CHD9: variants seen among roughly 807,000 people sequenced by gnomAD.
CHD9 encodes the protein ATP-dependent chromatin remodeler CHD9.
CHD9 carries 77 observed loss-of-function variants against 316.1 expected under a neutral mutation model. That is an observed-to-expected ratio of 0.24 (90% confidence interval 0.20 to 0.29). The LOEUF (loss-of-function observed/expected upper bound fraction) is 0.29, where lower values mean the gene tolerates loss of function less well. Ranked by LOEUF, CHD9 falls within the 10% of genes least tolerant of loss-of-function variation. The pLI is 1.00. For missense variants in CHD9, 2,763 were observed against 3,438.1 expected, an observed-to-expected ratio of 0.80 and a Z score of 4.91; for synonymous variants, 1,129 against 1,158.3, an observed-to-expected ratio of 0.97 and a Z score of 0.51.
At chr16:53,244,368 A>C (rs2049377181) in intron 13 of CHD9, among the ~76,000 whole-genome samples, 1 of 151,388 alleles carries the variant, frequency 6.6e-6, no homozygotes, top group Non-Finnish European at 1.5e-5. Flanking sequence ...AATTTTTTGT[A>C]TTTTTAGTAG....
chr16:53,283,844 G>A (rs17303428), intron 24 of CHD9, among the ~76,000 whole-genome samples: 42,277 of 151,908 alleles, frequency 0.28, 5,981 homozygotes, highest in Middle Eastern at 0.32. Flanking sequence ...TGACAAATTC[G>A]TTCAAGAATC....
intron 26 of CHD9, among the ~76,000 whole-genome samples, chr16:53,286,750 C>T (rs1349542691): frequency 6.6e-6 from 1 of 152,006 alleles, no homozygotes; most frequent in East Asian, 1.9e-4. Flanking sequence ...TACCAAAATC[C>T]AAGGATGCTC....
Position 53,324,316 on chromosome 16 carries a change from A to G in CHD9, c.8115A>G (p.Lys2705=). The G allele has an allele frequency of 6.2e-7, 1 of 1,613,996 alleles. No individual in the cohort carries two copies. The highest frequency in any genetic ancestry group is 8.5e-7 in the Non-Finnish European group (1 of 1,179,862). Residue 2705 remains lysine (K), a synonymous_variant, in exon 39 of 39, where the codon AAA becomes AAG. Transcript: ENST00000447540. The part of the protein sequence containing the change: ...PTGLPSGGEA[K]NMAAMFPMLL... ...GCCTTCCTTCTGGAGGAGAAGCTAA[A>G]AACATGGCTGCTATGTTCCCCATGC...
chr16:53,305,217 A>G lies in CHD9; in HGVS notation c.6619+592A>G, dbSNP rs531146370. 1.5e-4 allele frequency among the ~76,000 whole-genome samples: 23 copies of G among 151,472 alleles called. No individual in the cohort carries two copies. In the East Asian group the frequency reaches 3.9e-3, roughly 26 times the overall value. ...GCTAGGATTACAGGCACCCACCACCATGTCCAGCTAATTTTTGTATTTTTG... is the reference window on the plus strand; with the variant it reads ...GCTAGGATTACAGGCACCCACCACCGTGTCCAGCTAATTTTTGTATTTTTG... On this transcript the variant is annotated intron_variant, in intron 31 of 38. Transcript: ENST00000447540.
At chr16:53,240,566 A>T (rs12917689) in intron 12 of CHD9, among the ~76,000 whole-genome samples, 17,787 of 152,108 alleles carry the variant, frequency 0.12, 1,249 homozygotes, top group South Asian at 0.23. Flanking sequence ...CTTCAAATAT[A>T]GAAATGACTT....
intron 11 of CHD9, 84 bp downstream of exon 11, chr16:53,235,390 A>C (rs1258675065): frequency 9.9e-7 from 1 of 1,005,526 alleles, no homozygotes; most frequent in Non-Finnish European, 1.4e-6. Flanking sequence ...TGTTGTTGCT[A>C]TATTGTTATT....
At chr16:53,087,488 A>T (rs2035562006) in intron 1 of CHD9, among the ~76,000 whole-genome samples, 1 of 152,206 alleles carries the variant, frequency 6.6e-6, no homozygotes, top group Admixed American at 6.5e-5. Flanking sequence ...AGGAGACTTG[A>T]TTCAAATCCT....
intron 1 of CHD9, among the ~76,000 whole-genome samples, chr16:53,104,155 G>C (rs900530983): frequency 2.0e-5 from 3 of 152,198 alleles, no homozygotes; most frequent in Non-Finnish European, 2.9e-5. Context: ...TAAATGTTTG[G>C]AGGAAAAGGG....
At chr16:53,159,860 A>C (rs1302788674) in intron 2 of CHD9, among the ~76,000 whole-genome samples, 2 of 152,152 alleles carry the variant, frequency 1.3e-5, no homozygotes, top group Non-Finnish European at 2.9e-5. Context: ...CAGGTGATCC[A>C]CCGGCCTTGA....
intron 1 of CHD9, among the ~76,000 whole-genome samples, chr16:53,071,818 A>G (rs1225989938): frequency 3.9e-5 from 6 of 152,124 alleles, no homozygotes; most frequent in Non-Finnish European, 1.5e-5. Context: ...AAGGTGAGGG[A>G]ACACAGTGTG....
intron 30 of CHD9, chr16:53,299,473 A>G (rs752840044): frequency 1.2e-5 from 3 of 243,684 alleles, no homozygotes; most frequent in East Asian, 1.0e-4. Context: ...ATCAAGCAGT[A>G]TATCAGTCTG....
chr16:53,172,940 T>G (rs1002431145), intron 2 of CHD9, among the ~76,000 whole-genome samples: 4 of 152,330 alleles, frequency 2.6e-5, no homozygotes, highest in Non-Finnish European at 4.4e-5. Flanking sequence ...TCTCCCAGTC[T>G]GTGGGTTGCC....
At chr16:53,146,906 A>AT (rs958958254) in intron 1 of CHD9, among the ~76,000 whole-genome samples, 6 of 150,810 alleles carry the variant, frequency 4.0e-5, no homozygotes, top group African/African-American at 9.7e-5. Flanking sequence ...CACTGTTGCT[A>AT]TTTTTTTTTA....
intron 29 of CHD9, among the ~76,000 whole-genome samples, chr16:53,295,500 G>A (rs911880218): frequency 6.6e-5 from 10 of 152,122 alleles, no homozygotes; most frequent in Non-Finnish European, 1.0e-4. Context: ...ACTTATCTAA[G>A]TAAACTACTC....
intron 2 of CHD9, among the ~76,000 whole-genome samples, chr16:53,183,238 C>G (rs529409544): frequency 6.6e-6 from 1 of 152,124 alleles, no homozygotes; most frequent in African/African-American, 2.4e-5. Flanking sequence ...TTGTTTCTTT[C>G]CTTTTTTTAA....
intron 1 of CHD9, among the ~76,000 whole-genome samples, chr16:53,071,251 A>T (rs1244410187): frequency 3.9e-5 from 6 of 152,172 alleles, no homozygotes; most frequent in Admixed American, 3.9e-4. Context: ...CAATACTCAC[A>T]TTCATTTTTG....
chr16:53,276,219 T>C (rs1053008069), intron 24 of CHD9, among the ~76,000 whole-genome samples: 3 of 152,182 alleles, frequency 2.0e-5, no homozygotes, highest in Non-Finnish European at 4.4e-5. Context: ...AGATATCTAT[T>C]ACAACCTCAA....
At chr16:53,110,518 TG>T (rs1001150454) in intron 1 of CHD9, among the ~76,000 whole-genome samples, 1 of 152,226 alleles carries the variant, frequency 6.6e-6, no homozygotes, top group African/African-American at 2.4e-5. Flanking sequence ...CCCAGCACTT[TG>T]GGAGGCCAAG....
At chr16:53,256,783 C>T (rs1035678737) in intron 19 of CHD9, among the ~76,000 whole-genome samples, 3 of 151,948 alleles carry the variant, frequency 2.0e-5, no homozygotes, top group Admixed American at 6.6e-5. Context: ...TTCCACTGAA[C>T]TTCCTTTCTA....
Sources: gnomAD v4.1 joint callset for allele counts (sites outside exome capture counted in the v4.1 genomes callset) on GRCh38, gnomAD v4.1.1 for gene constraint, MANE v1.5 for transcripts, NCBI Gene and HGNC (gene_info 2026-07-23, HGNC 2026-07-21) for gene names.